CPA6: variants seen among roughly 807,000 people sequenced by gnomAD.
CPA6 encodes the protein carboxypeptidase B.
In CPA6, 58 loss-of-function variants were observed where a neutral mutation model predicts 63.3. That is an observed-to-expected ratio of 0.92 (90% CI 0.74 to 1.14). CPA6 has a LOEUF of 1.14. Ranked by LOEUF, CPA6 falls within the 50% of genes most tolerant of loss-of-function variation. The probability of loss-of-function intolerance (pLI) is 0.00; values close to 1 mark genes in which losing one functional copy is unlikely to be tolerated. For missense variants in CPA6, 565 were observed against 526.6 expected, an observed-to-expected ratio of 1.07 and a Z score of -0.71; for synonymous variants, 185 against 179.0, an observed-to-expected ratio of 1.03 and a Z score of -0.27.
At chr8:67,566,986 AAAGGC>A (rs1481780557) in intron 2 of CPA6, among the ~76,000 whole-genome samples, 2 of 152,214 alleles carry the variant, frequency 1.3e-5, no homozygotes, top group Non-Finnish European at 2.9e-5. Flanking sequence ...CCTGGCATGA[AAAGGC>A]AAGTTGAACA....
At chr8:67,647,456 G>A (rs948836529) in intron 1 of CPA6, among the ~76,000 whole-genome samples, 4 of 151,920 alleles carry the variant, frequency 2.6e-5, no homozygotes, top group African/African-American at 9.7e-5. Context: ...GATTACAGGT[G>A]CATAACACCA....
chr8:67,579,541 A>C (rs1443019812), intron 2 of CPA6, among the ~76,000 whole-genome samples: 7 of 152,240 alleles, frequency 4.6e-5, no homozygotes, highest in Admixed American at 2.6e-4. Context: ...AAACACATAG[A>C]TTGTTCCAGT....
chr8:67,453,947 A>AG (rs1171291160), intron 8 of CPA6, among the ~76,000 whole-genome samples: 35 of 152,382 alleles, frequency 2.3e-4, no homozygotes, highest in African/African-American at 8.4e-4. Flanking sequence ...TGTTTGCCTG[A>AG]GAAGCACATT....
chr8:67,730,915 T>C (rs780384562), intron 1 of CPA6, among the ~76,000 whole-genome samples: 51 of 152,222 alleles, frequency 3.4e-4, no homozygotes, highest in Admixed American at 7.2e-4. Context: ...ATACTGTATG[T>C]TCAAGGGCAC....
intron 1 of CPA6, among the ~76,000 whole-genome samples, chr8:67,729,971 T>C (rs915134316): frequency 6.6e-6 from 1 of 152,188 alleles, no homozygotes; most frequent in Non-Finnish European, 1.5e-5. Context: ...AGAACTGTTT[T>C]CTCCTGCTAC....
Position 67,422,535 on chromosome 8 carries a change from A to G in CPA6, c.1283T>C (p.Ile428Thr), listed in dbSNP as rs759260101. Reference sequence around the variant, plus strand: ...ACATTTCTTTAGCAGGTGCATTGTGATATTTTTCACAGCCAGCATAGTTTC... The same window carrying G: ...ACATTTCTTTAGCAGGTGCATTGTGGTATTTTTCACAGCCAGCATAGTTTC... ...CTETMLAVKN[I>T]TMHLLKKCP Residue 428 changes from isoleucine to threonine, a missense_variant, in exon 11 of 11, where the codon ATC becomes ACC. Ile to Thr is a moderately conservative substitution (Grantham distance 89). Coordinates refer to ENST00000297770, the MANE Select transcript of CPA6 (RefSeq NM_020361.5). 2.0e-5 allele frequency: 32 copies of G among 1,614,088 alleles called. No homozygotes were observed. The South Asian group carries it at 3.5e-4, about 18-fold the overall frequency.
At chr8:67,593,720 T>C (rs1814205389) in intron 2 of CPA6, among the ~76,000 whole-genome samples, 1 of 150,982 alleles carries the variant, frequency 6.6e-6, no homozygotes, top group Admixed American at 6.6e-5. Context: ...CTGCCTTTTT[T>C]TGTTTTCCAT....
intron 1 of CPA6, among the ~76,000 whole-genome samples, chr8:67,733,431 C>T (rs1289549529): frequency 6.6e-6 from 1 of 151,892 alleles, no homozygotes; most frequent in African/African-American, 2.4e-5. Context: ...CTTTCCCACG[C>T]GTGGAAGTTT....
chr8:67,479,918 A>G (rs1176303620), intron 8 of CPA6, among the ~76,000 whole-genome samples: 1 of 149,332 alleles, frequency 6.7e-6, no homozygotes, highest in African/African-American at 2.5e-5. Flanking sequence ...TTCTCTCTTC[A>G]CTCCAGATGA....
intron 8 of CPA6, among the ~76,000 whole-genome samples, chr8:67,448,670 G>GAAAAAAAAA (rs1040785661): frequency 1.3e-5 from 1 of 75,396 alleles, no homozygotes; most frequent in African/African-American, 6.4e-5. Flanking sequence ...GAACGAAAAA[G>GAAAAAAAAA]AAAAAAAAAG....
In CPA6 at chr8:67,711,720, C is replaced by CACAT. The variant is rs1554537431; in HGVS notation, c.116+34290_116+34293dup. On this transcript the variant is annotated intron_variant, in intron 1 of 10. Coordinates refer to ENST00000297770, the MANE Select transcript of CPA6 (RefSeq NM_020361.5). The stretch of plus-strand genomic sequence containing the variant: ...ACACACACACACACACACACACACA[C>CACAT]ACATCTGAAAGATGGAGGGGCACCT... 7.8e-3 allele frequency among the ~76,000 whole-genome samples: 1,173 copies of CACAT among 151,142 alleles called. 16 individuals are homozygous for CACAT. The highest frequency in any genetic ancestry group is 0.026 in the African/African-American group (1,044 of 40,824).
At chr8:67,723,888 AAG>A (rs1817549812) in intron 1 of CPA6, among the ~76,000 whole-genome samples, 1 of 152,196 alleles carries the variant, frequency 6.6e-6, no homozygotes, top group African/African-American at 2.4e-5. Flanking sequence ...ACCACAAAGA[AAG>A]AAAAACTAAT....
chr8:67,486,068 T>C (rs144088853), intron 6 of CPA6, among the ~76,000 whole-genome samples: 157 of 152,370 alleles, frequency 1.0e-3, no homozygotes, highest in African/African-American at 3.6e-3. Context: ...AGGTTGTTTT[T>C]GTCACTAATG....
At chr8:67,598,464 A>T (rs1814405955) in intron 2 of CPA6, among the ~76,000 whole-genome samples, 1 of 152,186 alleles carries the variant, frequency 6.6e-6, no homozygotes, top group African/African-American at 2.4e-5. Flanking sequence ...TGTAAAATTA[A>T]TTTTAAATTC....
chr8:67,709,409 T>C (rs1448815959), intron 1 of CPA6, among the ~76,000 whole-genome samples: 1 of 152,242 alleles, frequency 6.6e-6, no homozygotes, highest in African/African-American at 2.4e-5. Flanking sequence ...TCACTCTGCC[T>C]TATGTCCCTT....
intron 8 of CPA6, among the ~76,000 whole-genome samples, chr8:67,471,247 G>C (rs1003873415): frequency 1.3e-5 from 2 of 152,152 alleles, no homozygotes; most frequent in African/African-American, 2.4e-5. Context: ...AGCGTCATCA[G>C]GGTGGGCTTC....
At chr8:67,539,809 T>C (rs1241706252) in intron 2 of CPA6, among the ~76,000 whole-genome samples, 1 of 152,206 alleles carries the variant, frequency 6.6e-6, no homozygotes, top group African/African-American at 2.4e-5. Context: ...TAGTTTTGCA[T>C]GCTTCACAAA....
At chr8:67,587,033 C>CT (rs753552672) in intron 2 of CPA6, among the ~76,000 whole-genome samples, 2 of 152,222 alleles carry the variant, frequency 1.3e-5, no homozygotes, top group Admixed American at 6.5e-5. Context: ...GCAAAGGCCA[C>CT]TGCAGCTTCG....
chr8:67,438,890 C>G (rs1232468205), intron 8 of CPA6, among the ~76,000 whole-genome samples: 1 of 151,862 alleles, frequency 6.6e-6, no homozygotes, highest in East Asian at 1.9e-4. Flanking sequence ...AAGTATGAGT[C>G]TTAAGTTAGG....
Sources: allele counts gnomAD v4.1 joint callset (sites outside exome capture counted in the v4.1 genomes callset), GRCh38; gene constraint gnomAD v4.1.1; transcripts MANE v1.5; gene names NCBI Gene and HGNC (gene_info 2026-07-23, HGNC 2026-07-21).